SORCS1: variants seen among roughly 807,000 people sequenced by gnomAD.
SORCS1 encodes VPS10 domain-containing receptor SorCS1.
A neutral mutation model predicts 146.1 loss-of-function variants in SORCS1; 60 were observed. The ratio of observed to expected loss-of-function variants is 0.41; its 90% CI spans 0.33 to 0.51. The LOEUF (loss-of-function observed/expected upper bound fraction) is 0.51. Ranked by LOEUF, SORCS1 falls within the 20% of genes least tolerant of loss-of-function variation. The pLI is 0.21. For synonymous variants in SORCS1, 637 were observed against 584.0 expected (o/e 1.09, Z -1.31); for missense variants, 1,352 against 1,487.6 (o/e 0.91, Z 1.50).
intron 1 of SORCS1, among the ~76,000 whole-genome samples, chr10:106,993,610 C>A (rs1291434609): frequency 4.6e-5 from 7 of 152,154 alleles, no homozygotes; most frequent in Admixed American, 4.6e-4. Context: ...CAAGTATTAG[C>A]TCAAATCAGG....
At chr10:106,780,384 C>T (rs987198768) in intron 3 of SORCS1, among the ~76,000 whole-genome samples, 1 of 152,182 alleles carries the variant, frequency 6.6e-6, no homozygotes, top group Admixed American at 6.5e-5. Flanking sequence ...GTTTACTTCT[C>T]TGTATTCTGG....
intron 2 of SORCS1, among the ~76,000 whole-genome samples, chr10:106,936,810 T>G (rs978913506): frequency 2.0e-5 from 3 of 152,202 alleles, no homozygotes; most frequent in Non-Finnish European, 2.9e-5. Flanking sequence ...AAGGGGATAA[T>G]GGAAAACAAA....
At chr10:106,855,225 G>A (rs995647652) in intron 2 of SORCS1, among the ~76,000 whole-genome samples, 4 of 152,254 alleles carry the variant, frequency 2.6e-5, no homozygotes, top group Admixed American at 2.6e-4. Flanking sequence ...ATAGATCTGA[G>A]AAGTCAGATG....
chr10:106,749,061 A>T (rs1007712815), intron 5 of SORCS1, among the ~76,000 whole-genome samples: 3 of 152,224 alleles, frequency 2.0e-5, no homozygotes, highest in South Asian at 2.1e-4. Context: ...GGAGTTATAC[A>T]TGGTTTCAAA....
chr10:106,907,584 T>TA (rs1221450496), intron 2 of SORCS1, among the ~76,000 whole-genome samples: 1 of 152,136 alleles, frequency 6.6e-6, no homozygotes, highest in African/African-American at 2.4e-5. Context: ...AATTAGTAAA[T>TA]ATGTTCTTAT....
chr10:107,023,761 T>A (rs1019803604), intron 1 of SORCS1, among the ~76,000 whole-genome samples: 6 of 152,058 alleles, frequency 3.9e-5, no homozygotes, highest in African/African-American at 1.4e-4. Context: ...TTTCAAATAT[T>A]TACAAATTAA....
chr10:107,165,043 T>TGTC (rs2134970953), upstream of SORCS1, among the ~76,000 whole-genome samples: 1 of 151,970 alleles, frequency 6.6e-6, no homozygotes, highest in East Asian at 1.9e-4. The surrounding 1 kb of genome is among the most constrained non-coding windows in gnomAD (Gnocchi z 4.0). Context: ...GCAGTCGATG[T>TGTC]GTCGGGAGCT....
intron 23 of SORCS1, among the ~76,000 whole-genome samples, chr10:106,603,009 A>G (rs552362144): frequency 1.3e-5 from 2 of 152,158 alleles, no homozygotes; most frequent in East Asian, 3.9e-4. Flanking sequence ...AAATATATAT[A>G]TTTTTGTGGT....
chr10:106,934,490 C>T (rs940984592), intron 2 of SORCS1, among the ~76,000 whole-genome samples: 2 of 152,010 alleles, frequency 1.3e-5, no homozygotes, highest in African/African-American at 4.8e-5. Context: ...GGATCTCCTG[C>T]CCTCGTGATC....
At chr10:106,976,535 G>A (rs917728708) in intron 1 of SORCS1, among the ~76,000 whole-genome samples, 8 of 152,014 alleles carry the variant, frequency 5.3e-5, no homozygotes, top group African/African-American at 1.7e-4. Flanking sequence ...GTTTCACCGT[G>A]TTAGCTAGGA....
intron 21 of SORCS1, 113 bp from the exon 22 acceptor site, chr10:106,612,136 G>C: frequency 1.3e-6 from 1 of 741,462 alleles, no homozygotes; most frequent in East Asian, 2.7e-5. Flanking sequence ...CTTACCATAG[G>C]GACCTTTTTA....
At chr10:106,605,377 A>C (rs1195485422) in intron 23 of SORCS1, among the ~76,000 whole-genome samples, 1 of 152,222 alleles carries the variant, frequency 6.6e-6, no homozygotes, top group East Asian at 1.9e-4. Context: ...CTTTTAGAAA[A>C]AAACATGGAA....
At chr10:106,643,403 G>T (rs927519443) in intron 18 of SORCS1, among the ~76,000 whole-genome samples, 1 of 152,164 alleles carries the variant, frequency 6.6e-6, no homozygotes, top group Non-Finnish European at 1.5e-5. Flanking sequence ...TGCACCTCCC[G>T]TGCCTACGTA....
At chr10:106,698,729 GA>G (rs1465543878) in intron 9 of SORCS1, among the ~76,000 whole-genome samples, 2 of 152,162 alleles carry the variant, frequency 1.3e-5, no homozygotes, top group African/African-American at 4.8e-5. Flanking sequence ...GGCCCTGTGA[GA>G]AAAAGGCCAT....
At chr10:106,756,890 T>C (rs1168395341) in intron 5 of SORCS1, among the ~76,000 whole-genome samples, 3 of 152,138 alleles carry the variant, frequency 2.0e-5, no homozygotes, top group Non-Finnish European at 4.4e-5. Context: ...TCCTTGCCCC[T>C]CCCTAGTTCC....
intron 1 of SORCS1, among the ~76,000 whole-genome samples, chr10:107,043,294 C>A (rs1959185833): frequency 6.6e-6 from 1 of 152,080 alleles, no homozygotes; most frequent in African/African-American, 2.4e-5. Context: ...GAGGACATAG[C>A]AATGGGAATT....
intron 3 of SORCS1, among the ~76,000 whole-genome samples, chr10:106,793,012 T>C (rs1946391428): frequency 6.6e-6 from 1 of 152,164 alleles, no homozygotes; most frequent in Non-Finnish European, 1.5e-5. Context: ...AAGAAGTTTC[T>C]GCAACCAAGT....
intron 24 of SORCS1, among the ~76,000 whole-genome samples, chr10:106,595,197 G>A (rs1474859967): frequency 2.0e-5 from 3 of 152,180 alleles, no homozygotes; most frequent in East Asian, 1.9e-4. Context: ...ACCAGCATAC[G>A]ATTCAGAAAG....
chr10:106,656,424 G>A (rs962068507), intron 17 of SORCS1, among the ~76,000 whole-genome samples: 8 of 152,124 alleles, frequency 5.3e-5, no homozygotes, highest in Admixed American at 1.3e-4. Flanking sequence ...GCTGGCGGGC[G>A]CCTGTAGTCC....
Sources: allele counts gnomAD v4.1 joint callset (sites outside exome capture counted in the v4.1 genomes callset), GRCh38; gene constraint gnomAD v4.1.1; non-coding constraint Gnocchi (gnomAD v3.1); transcripts MANE v1.5; gene names NCBI Gene and HGNC (gene_info 2026-07-23, HGNC 2026-07-21).